ARHGAP22: variants seen among roughly 807,000 people sequenced by gnomAD.
ARHGAP22 encodes the protein Rho GTPase activating protein 22.
Under a neutral mutation model 59.1 loss-of-function variants are expected in ARHGAP22, and 48 were observed. That is an observed-to-expected ratio of 0.81 (90% CI 0.64 to 1.03). ARHGAP22 has a LOEUF of 1.03. Among genes scored for constraint, ARHGAP22 ranks in the 50% least tolerant of loss-of-function variants. The pLI, the probability that ARHGAP22 is intolerant of heterozygous loss-of-function variation, is 0.00. For synonymous variants in ARHGAP22, 445 were observed against 416.4 expected (o/e 1.07, Z -0.84); for missense variants, 1,015 against 958.7 (o/e 1.06, Z -0.78).
chr10:48,639,711 T>C (rs1017724577), intron 1 of ARHGAP22, among the ~76,000 whole-genome samples: 15 of 152,184 alleles, frequency 9.9e-5, no homozygotes, highest in Admixed American at 8.5e-4. Context: ...ATTAAACAAA[T>C]GAACAATTTA....
chr10:48,600,860 G>A (rs1332980262), intron 1 of ARHGAP22, among the ~76,000 whole-genome samples: 2 of 152,234 alleles, frequency 1.3e-5, no homozygotes, highest in Non-Finnish European at 2.9e-5. Context: ...TGGCCTGGAA[G>A]TAGAGACTGC....
the ARHGAP22 span, chr10:48,431,201 T>C: frequency 5.6e-6 from 9 of 1,603,490 alleles, no homozygotes; most frequent in Admixed American, 1.7e-5. Context: ...AGAATTGATA[T>C]ATAAGGAAGT....
At chr10:48,515,843 TG>T (rs2053232913) in intron 3 of ARHGAP22, among the ~76,000 whole-genome samples, 2 of 152,160 alleles carry the variant, frequency 1.3e-5, no homozygotes, top group South Asian at 4.1e-4. Flanking sequence ...CTGATCATAG[TG>T]GCATCTGTGC....
At position 48,450,244 on chromosome 10, in the gene ARHGAP22, A is replaced by C; in HGVS notation, c.1868+17T>G. The C allele has an allele frequency of 6.2e-7, 1 of 1,605,768 alleles. No individual in the cohort carries two copies. The highest frequency in any genetic ancestry group is 1.3e-5 in the African/African-American group (1 of 74,934). ...GCTCCGCCCCGTCACAGGAGGCTCC[A>C]CGGGGCAGCAAGTTACCTTTTCACA... is the stretch of plus-strand genomic sequence containing the variant. On this transcript the variant is annotated intron_variant, in intron 9 of 9. Coordinates refer to ENST00000249601, the MANE Select transcript of ARHGAP22 (RefSeq NM_021226.4).
intron 2 of ARHGAP22, among the ~76,000 whole-genome samples, chr10:48,571,650 C>A (rs184002536): frequency 8.5e-5 from 13 of 152,338 alleles, no homozygotes; most frequent in Admixed American, 7.8e-4. Flanking sequence ...TAAGAAAACT[C>A]CAAAACTTAT....
chr10:48,527,390 T>C (rs2054423074), intron 3 of ARHGAP22, among the ~76,000 whole-genome samples: 1 of 151,676 alleles, frequency 6.6e-6, no homozygotes, highest in Admixed American at 6.6e-5. Context: ...GTTGATTGGA[T>C]GTAGGTGTGG....
chr10:48,578,876 G>C (rs12262611), intron 2 of ARHGAP22, among the ~76,000 whole-genome samples: 220 of 151,598 alleles, frequency 1.5e-3, no homozygotes, highest in African/African-American at 5.1e-3. Flanking sequence ...TACTAAATTT[G>C]CTTTCTTTTT....
intron 3 of ARHGAP22, among the ~76,000 whole-genome samples, chr10:48,539,176 A>T (rs1383691003): frequency 1.3e-5 from 2 of 152,086 alleles, no homozygotes; most frequent in Non-Finnish European, 2.9e-5. Context: ...ATCAAATAGT[A>T]GATTTTCATT....
chr10:48,637,609 G>T (rs372149117), intron 1 of ARHGAP22, among the ~76,000 whole-genome samples: 1 of 151,970 alleles, frequency 6.6e-6, no homozygotes, highest in Admixed American at 6.6e-5. Flanking sequence ...ATGGGTGGGT[G>T]AATGGATGGA....
intron 3 of ARHGAP22, among the ~76,000 whole-genome samples, chr10:48,519,582 T>C (rs938195467): frequency 1.7e-4 from 26 of 152,218 alleles, no homozygotes; most frequent in African/African-American, 6.0e-4. Flanking sequence ...GATTCTGTGC[T>C]AGTGTGGTGC....
At chr10:48,537,612 A>T (rs1338885381) in intron 3 of ARHGAP22, among the ~76,000 whole-genome samples, 1 of 152,230 alleles carries the variant, frequency 6.6e-6, no homozygotes, top group Non-Finnish European at 1.5e-5. Flanking sequence ...AAAGGTCATT[A>T]CTGTCACCAT....
intron 2 of ARHGAP22, among the ~76,000 whole-genome samples, chr10:48,572,482 C>T (rs2058459078): frequency 6.6e-6 from 1 of 152,346 alleles, no homozygotes; most frequent in African/African-American, 2.4e-5. Context: ...CACAGAGGGC[C>T]TTCATGTCCC....
chr10:48,454,954 C>T, intron 6 of ARHGAP22, 48 bp downstream of exon 6: 3 of 1,524,702 alleles, frequency 2.0e-6, no homozygotes, highest in Non-Finnish European at 1.8e-6. Context: ...CTACAGGCTG[C>T]CACCCAGCCA....
intron 3 of ARHGAP22, among the ~76,000 whole-genome samples, chr10:48,535,578 G>A (rs1217672732): frequency 6.6e-6 from 1 of 152,220 alleles, no homozygotes; most frequent in Non-Finnish European, 1.5e-5. Flanking sequence ...CTGCAGGGAG[G>A]ATGGGAGGCG....
At chr10:48,536,695 G>C (rs1195236815) in intron 3 of ARHGAP22, among the ~76,000 whole-genome samples, 1 of 152,210 alleles carries the variant, frequency 6.6e-6, no homozygotes, top group Non-Finnish European at 1.5e-5. Context: ...TTTTAAGAAG[G>C]AGATAGACTC....
intron 2 of ARHGAP22, among the ~76,000 whole-genome samples, chr10:48,573,052 G>A (rs970069284): frequency 2.0e-5 from 3 of 152,186 alleles, no homozygotes; most frequent in African/African-American, 7.2e-5. Context: ...TTAGAACAGA[G>A]CCTGGTTCAT....
At chr10:48,548,354 C>T (rs866785177) in intron 3 of ARHGAP22, among the ~76,000 whole-genome samples, 2 of 152,196 alleles carry the variant, frequency 1.3e-5, no homozygotes, top group Non-Finnish European at 2.9e-5. Flanking sequence ...CCCGGCCCCA[C>T]CCCATTTACG....
chr10:48,585,386 CTT>C (rs1342889579), intron 1 of ARHGAP22, among the ~76,000 whole-genome samples: 2 of 152,180 alleles, frequency 1.3e-5, no homozygotes, highest in Non-Finnish European at 2.9e-5. Context: ...CCTGATCCCA[CTT>C]TCTCTCTTAA....
chr10:48,520,824 G>C (rs1021607628), intron 3 of ARHGAP22, among the ~76,000 whole-genome samples: 1 of 152,084 alleles, frequency 6.6e-6, no homozygotes, highest in Non-Finnish European at 1.5e-5. Context: ...TGGAGATGAA[G>C]CGGTGGCAGA....
Sources: gnomAD v4.1 joint callset for allele counts (sites outside exome capture counted in the v4.1 genomes callset) on GRCh38, gnomAD v4.1.1 for gene constraint, MANE v1.5 for transcripts, NCBI Gene and HGNC (gene_info 2026-07-23, HGNC 2026-07-21) for gene names.